The following WDR19 variants were observed in gnomAD, a reference collection of about 807,000 sequenced individuals.
WDR19 encodes the protein WD repeat domain 19.
WDR19 carries 121 observed loss-of-function variants against 180.0 expected under a neutral mutation model. That is an observed-to-expected ratio of 0.67 (90% CI 0.58 to 0.78). The LOEUF (loss-of-function observed/expected upper bound fraction) is 0.78, where lower values mean the gene tolerates loss of function less well. WDR19 is among the 30% of genes least tolerant of loss of function. WDR19 has a pLI of 0.00. For missense variants in WDR19, 1,450 were observed against 1,640.7 expected, an observed-to-expected ratio of 0.88 and a Z score of 2.01; for synonymous variants, 497 against 540.7, an observed-to-expected ratio of 0.92 and a Z score of 1.12.
intron 32 of WDR19, 26 bp downstream of exon 32, chr4:39,273,087 A>ATCCATGC (rs1560563926): frequency 5.7e-6 from 9 of 1,566,276 alleles, no homozygotes; most frequent in Non-Finnish European, 7.0e-6. Context: ...CAGAGCTCTC[A>ATCCATGC]CCCATGCCCC....
chr4:39,193,569 A>G (rs1305789800), intron 4 of WDR19, among the ~76,000 whole-genome samples: 2 of 152,200 alleles, frequency 1.3e-5, no homozygotes, highest in African/African-American at 2.4e-5. Context: ...TGATTTTACG[A>G]CCTTTCACAA....
chr4:39,260,625 G>A (rs1396872532), intron 28 of WDR19, among the ~76,000 whole-genome samples: 1 of 152,138 alleles, frequency 6.6e-6, no homozygotes, highest in Non-Finnish European at 1.5e-5. Context: ...AAAGGCATGA[G>A]CCACCACACC....
chr4:39,206,188 A>G (rs1383695196), intron 9 of WDR19: 3 of 152,704 alleles, frequency 2.0e-5, no homozygotes, highest in African/African-American at 7.2e-5. Context: ...CAAAGCACAG[A>G]GAGAGCTTTA....
rs1354009138 is a variant in WDR19 at position 39,228,522 on chromosome 4, C to A, written c.1814C>A (p.Pro605His). ...ATTTTGGCTGGTAGCACCAAAGTTC[C>A]TTTTGCTCATAAACCTTTGCTGCTA... Reference protein sequence around the residue: ...KVILAGSTKVPFAHKPLLLYN... With the variant: ...KVILAGSTKVHFAHKPLLLYN... Residue 605 changes from proline to histidine, a missense_variant, in exon 17 of 37, where the codon CCT becomes CAT. By Grantham distance (77) the Pro-to-His change is moderately conservative. Coordinates refer to ENST00000399820, the MANE Select transcript of WDR19 (RefSeq NM_025132.4). The A allele has an allele frequency of 1.2e-6, 2 of 1,613,880 alleles. No homozygotes were observed. The highest frequency in any genetic ancestry group is 8.5e-7 in the Non-Finnish European group (1 of 1,179,804).
chr4:39,188,232 A>T (rs1203836987), intron 3 of WDR19, among the ~76,000 whole-genome samples: 1 of 152,160 alleles, frequency 6.6e-6, no homozygotes, highest in East Asian at 1.9e-4. Context: ...TATATTTAAT[A>T]CCAAGATGAA....
chr4:39,194,047 G>A (rs1726458524), intron 4 of WDR19, among the ~76,000 whole-genome samples: 1 of 152,152 alleles, frequency 6.6e-6, no homozygotes, highest in Non-Finnish European at 1.5e-5. Flanking sequence ...TGTCAGAACT[G>A]GTGGTGGGCA....
chr4:39,220,523 T>G (rs1275603406), intron 14 of WDR19, among the ~76,000 whole-genome samples: 16 of 136,764 alleles, frequency 1.2e-4, no homozygotes, highest in Non-Finnish European at 2.3e-4. Flanking sequence ...TCTCTTCTTC[T>G]TCTTCTTTTT....
chr4:39,188,618 C>CA (rs60149380), intron 3 of WDR19, among the ~76,000 whole-genome samples: 24,220 of 80,766 alleles, frequency 0.3, 2,412 homozygotes, highest in African/African-American at 0.35. Context: ...GACCTTGTCT[C>CA]AAAAAAAAAA....
rs1736138358 is a variant in WDR19, at chr4:39,278,523, T to C, written c.3918-16T>C. Reference sequence around the variant, plus strand: ...TTATATATTTAATTTACTCTGCCTTTCCCTCCCCTAAACAGCATGCTAAAC... The same window carrying C: ...TTATATATTTAATTTACTCTGCCTTCCCCTCCCCTAAACAGCATGCTAAAC... On this transcript the variant is annotated splice_polypyrimidine_tract_variant and intron_variant, in intron 35 of 36. Coordinates refer to ENST00000399820, the MANE Select transcript of WDR19 (RefSeq NM_025132.4). The C allele has an allele frequency of 2.5e-6, 4 of 1,588,440 alleles. No homozygotes were observed. Among genetic ancestry groups the C allele is most frequent in the Non-Finnish European group, 2.6e-6 (3 of 1,163,328 alleles).
chr4:39,217,691 T>C (rs1729207612), intron 13 of WDR19, among the ~76,000 whole-genome samples: 1 of 152,110 alleles, frequency 6.6e-6, no homozygotes, highest in African/African-American at 2.4e-5. Flanking sequence ...GGCTTCTAAG[T>C]CAGGGCATCT....
rs1255397863 is a variant in WDR19, at chr4:39,205,724, G to A, written c.878G>A (p.Cys293Tyr). 2 of 1,601,980 alleles carry A rather than the reference G, an allele frequency of 1.2e-6. No individual in the cohort carries two copies. Among genetic ancestry groups the A allele is most frequent in the Middle Eastern group, 1.7e-4 (1 of 6,044 alleles). The change falls in exon 9 of 37, where the codon TGT becomes TAT. Residue 293 changes from cysteine (C) to tyrosine (Y), a missense_variant. By Grantham distance (194) the Cys-to-Tyr change is radical. Coordinates refer to ENST00000399820, the MANE Select transcript of WDR19 (RefSeq NM_025132.4). ...VSQTLNKVAT[C>Y]GDNCIKIQDL... ...CAGACTCTTAACAAAGTTGCTACAT[G>A]TGGAGATAACTGGTAAGTTATTTTC...
At chr4:39,238,122 A>G (rs1344234166) in intron 20 of WDR19, 3 of 152,156 alleles carry the variant, frequency 2.0e-5, no homozygotes, top group African/African-American at 4.8e-5. Context: ...CTAGCCCCCA[A>G]TAGTCTGAAG....
intron 24 of WDR19, 125 bp downstream of exon 24, chr4:39,245,577 C>T: frequency 1.1e-6 from 1 of 911,990 alleles, no homozygotes; most frequent in African/African-American, 1.7e-5. Flanking sequence ...TTTAATTACC[C>T]CTTGTTGGCC....
At chr4:39,188,656 A>AAAT (rs1303337437) in intron 3 of WDR19, among the ~76,000 whole-genome samples, 1 of 151,906 alleles carries the variant, frequency 6.6e-6, no homozygotes, top group Non-Finnish European at 1.5e-5. Context: ...AAAGAAAAGA[A>AAAT]AATAACATTT....
intron 36 of WDR19, among the ~76,000 whole-genome samples, chr4:39,283,276 G>A (rs1393934844): frequency 6.6e-6 from 1 of 152,094 alleles, no homozygotes; most frequent in Non-Finnish European, 1.5e-5. Context: ...CTTTTACTCT[G>A]GAGATAAACT....
At chr4:39,188,707 A>G (rs1725832130) in intron 3 of WDR19, among the ~76,000 whole-genome samples, 1 of 151,792 alleles carries the variant, frequency 6.6e-6, no homozygotes, top group African/African-American at 2.4e-5. Context: ...CCTTTTTTAC[A>G]ATCCTATATC....
intron 30 of WDR19, 101 bp from the exon 31 acceptor site, chr4:39,269,875 T>G: frequency 6.9e-7 from 1 of 1,441,778 alleles, no homozygotes; most frequent in Non-Finnish European, 9.5e-7. Flanking sequence ...AAGAGATTAC[T>G]AATAACAAGA....
chr4:39,280,371 T>C (rs1736380729), intron 36 of WDR19, among the ~76,000 whole-genome samples: 1 of 152,162 alleles, frequency 6.6e-6, no homozygotes, highest in Admixed American at 6.5e-5. Context: ...TCAAAAACCA[T>C]TGCCAGGCTG....
chr4:39,266,152 G>T lies in WDR19; in HGVS notation c.3261+12G>T. The T allele has an allele frequency of 6.5e-7, 1 of 1,540,016 alleles. No homozygotes were observed. The highest frequency in any genetic ancestry group is 8.8e-7 in the Non-Finnish European group (1 of 1,138,994). On this transcript the variant is annotated intron_variant, in intron 29 of 36. Coordinates refer to ENST00000399820, the MANE Select transcript of WDR19 (RefSeq NM_025132.4). ...ATGGCATGCCTAAGGTACTGAACAC[G>T]TGGGCTTCGTGTGCATCCTCAGGTC...
Sources: gnomAD v4.1 joint callset for allele counts (sites outside exome capture counted in the v4.1 genomes callset) on GRCh38, gnomAD v4.1.1 for gene constraint, MANE v1.5 for transcripts, NCBI Gene and HGNC (gene_info 2026-07-23, HGNC 2026-07-21) for gene names.